The following TAS2R1 variants were observed in gnomAD, a reference collection of about 807,000 sequenced individuals.
TAS2R1 encodes taste receptor type 2 member 1.
For synonymous variants in TAS2R1, 141 were observed against 134.2 expected (o/e 1.05, Z -0.35); for missense variants, 370 against 353.4 (o/e 1.05, Z -0.38).
chr5:9,756,620 T>A, the TAS2R1 span, among the ~76,000 whole-genome samples: 2 of 152,252 alleles, frequency 1.3e-5, no homozygotes, highest in African/African-American at 4.8e-5. Context: ...TATGTTTGTC[T>A]TTTCATACAG....
At chr5:9,651,310 T>G (rs1431221308) in intron 2 of TAS2R1, among the ~76,000 whole-genome samples, 2 of 152,162 alleles carry the variant, frequency 1.3e-5, no homozygotes, top group Non-Finnish European at 2.9e-5. Flanking sequence ...GTGACTTATG[T>G]TTTAAATGAT....
chr5:9,711,424 T>C lies in TAS2R1; in HGVS notation c.-242+748A>G, dbSNP rs573333337. Among the ~76,000 whole-genome samples, 12 of 152,242 alleles carry C rather than the reference T, an allele frequency of 7.9e-5. No homozygotes were observed. The South Asian group carries it at 2.5e-3, about 32-fold the overall frequency. On this transcript the variant is annotated intron_variant, in intron 1 of 2. Transcript: ENST00000506620. ...AAATAAGTCATCACAGAAGGACAAA[T>C]ACTGCATGATTTCAGTTATATGAGG...
chr5:9,897,931 G>A, the TAS2R1 span, among the ~76,000 whole-genome samples: 2 of 152,110 alleles, frequency 1.3e-5, no homozygotes, highest in African/African-American at 2.4e-5. Context: ...AGCCAAGGAC[G>A]CATCTTCAAT....
Position 9,664,623 on chromosome 5 carries a change from T to C in TAS2R1, c.-241-5042A>G, listed in dbSNP as rs116276865. 6.4e-3 allele frequency among the ~76,000 whole-genome samples: 979 copies of C among 152,340 alleles called. 10 individuals are homozygous for C. The highest frequency in any genetic ancestry group is 0.022 in the African/African-American group (922 of 41,588). On this transcript the variant is annotated intron_variant, in intron 1 of 2. Coordinates refer to the TAS2R1 transcript ENST00000506620. ...ATTAAAATGCAAATTGGTATTTCTA[T>C]GTAACATGTGACAGGTTTGGATAAA... is the stretch of plus-strand genomic sequence containing the variant.
the TAS2R1 span, among the ~76,000 whole-genome samples, chr5:9,831,630 T>C: frequency 8.1e-3 from 1,235 of 152,056 alleles, 19 homozygotes; most frequent in Non-Finnish European, 0.011. Flanking sequence ...TGTTTTTTTT[T>C]CAAATCGTAA....
the TAS2R1 span, among the ~76,000 whole-genome samples, chr5:9,808,181 C>T: frequency 2.0e-5 from 3 of 152,160 alleles, no homozygotes; most frequent in African/African-American, 7.2e-5. Context: ...TTCTTAGAGA[C>T]TACATAAGTG....
the TAS2R1 span, among the ~76,000 whole-genome samples, chr5:9,877,278 C>T: frequency 1.3e-5 from 2 of 151,796 alleles, no homozygotes; most frequent in Non-Finnish European, 2.9e-5. Flanking sequence ...GTTTTCCACT[C>T]TTGAATAACC....
the TAS2R1 span, among the ~76,000 whole-genome samples, chr5:9,886,867 C>A: frequency 2.0e-5 from 3 of 151,938 alleles, no homozygotes; most frequent in East Asian, 3.9e-4. Context: ...TATCCCTGAA[C>A]CTGAAATAAA....
chr5:9,729,949 C>T, the TAS2R1 span, among the ~76,000 whole-genome samples: 878 of 152,148 alleles, frequency 5.8e-3, 6 homozygotes, highest in African/African-American at 0.012. Flanking sequence ...CTGTGCCCAA[C>T]GTTAGACTGG....
chr5:9,765,781 T>C, the TAS2R1 span: 5 of 152,218 alleles, frequency 3.3e-5, no homozygotes, highest in Non-Finnish European at 7.3e-5. Context: ...CCTCATTCTA[T>C]AGCAAGTTCT....
chr5:9,828,488 T>C, the TAS2R1 span, among the ~76,000 whole-genome samples: 35 of 152,172 alleles, frequency 2.3e-4, no homozygotes, highest in Admixed American at 2.2e-3. Context: ...GTATAACATA[T>C]AATGCTTCCA....
the TAS2R1 span, among the ~76,000 whole-genome samples, chr5:9,887,781 G>T: frequency 6.6e-6 from 1 of 152,190 alleles, no homozygotes; most frequent in South Asian, 2.1e-4. Flanking sequence ...GTTATAATAA[G>T]CATAACTAGA....
chr5:9,645,305 T>C (rs1209249177), intron 2 of TAS2R1, among the ~76,000 whole-genome samples: 1 of 152,184 alleles, frequency 6.6e-6, no homozygotes, highest in Non-Finnish European at 1.5e-5. Flanking sequence ...GAAATTGCCC[T>C]CAGTCATGCA....
chr5:9,659,291 C>A (rs1187369720), intron 2 of TAS2R1: 3 of 152,126 alleles, frequency 2.0e-5, no homozygotes, highest in African/African-American at 7.2e-5. Context: ...TCTGGGACTG[C>A]AGTTAGTGAG....
the TAS2R1 span, among the ~76,000 whole-genome samples, chr5:9,845,380 T>C: frequency 6.6e-6 from 1 of 152,324 alleles, no homozygotes; most frequent in South Asian, 2.1e-4. Flanking sequence ...CCCCGTAGAA[T>C]CTAGATATGT....
intron 1 of TAS2R1, among the ~76,000 whole-genome samples, chr5:9,689,800 T>C (rs2126516746): frequency 6.6e-6 from 1 of 152,300 alleles, no homozygotes; most frequent in Non-Finnish European, 1.5e-5. Flanking sequence ...ATAAATCTTA[T>C]TCAAATAAAA....
the TAS2R1 span, among the ~76,000 whole-genome samples, chr5:9,802,021 A>C: frequency 6.6e-6 from 1 of 152,150 alleles, no homozygotes. Flanking sequence ...AGAAACCTGA[A>C]TACTTAACCA....
chr5:9,643,876 C>A (rs1024649204), intron 2 of TAS2R1, among the ~76,000 whole-genome samples: 1 of 152,052 alleles, frequency 6.6e-6, no homozygotes, highest in Non-Finnish European at 1.5e-5. Flanking sequence ...GTCAGGAAAG[C>A]CTGACCTCCC....
chr5:9,790,394 C>T, the TAS2R1 span, among the ~76,000 whole-genome samples: 1 of 152,176 alleles, frequency 6.6e-6, no homozygotes, highest in Non-Finnish European at 1.5e-5. Context: ...TTAGCAACAA[C>T]ATACATGACT....
Sources: allele counts gnomAD v4.1 joint callset (sites outside exome capture counted in the v4.1 genomes callset), GRCh38; gene constraint gnomAD v4.1.1; transcripts MANE v1.5; gene names NCBI Gene and HGNC (gene_info 2026-07-23, HGNC 2026-07-21).